The following CCSER1 variants were observed in gnomAD, a reference collection of about 807,000 sequenced individuals.
The protein encoded by CCSER1 is coiled-coil serine rich protein 1, also known as serine-rich coiled-coil domain-containing protein 1.
CCSER1 carries 41 observed loss-of-function variants against 82.0 expected under a neutral mutation model. That is an observed-to-expected ratio of 0.50 (90% CI 0.39 to 0.65). The LOEUF is 0.65. CCSER1 is among the 30% of genes least tolerant of loss of function. The probability of loss-of-function intolerance (pLI) is 0.00; values close to 1 mark genes in which losing one functional copy is unlikely to be tolerated. For missense variants in CCSER1, 1,119 were observed against 1,064.2 expected (o/e 1.05, Z -0.72); for synonymous variants, 414 against 383.9 (o/e 1.08, Z -0.92).
intron 10 of CCSER1, among the ~76,000 whole-genome samples, chr4:91,465,668 G>A (rs970372042): frequency 1.3e-5 from 2 of 152,040 alleles, no homozygotes; most frequent in South Asian, 2.1e-4. Context: ...TGATAAAGGG[G>A]ATATCACCAC....
chr4:91,397,063 C>T (rs1235488870), intron 10 of CCSER1, among the ~76,000 whole-genome samples: 1 of 152,034 alleles, frequency 6.6e-6, no homozygotes, highest in African/African-American at 2.4e-5. Flanking sequence ...TATTGTTTAT[C>T]CTCTATGTTA....
chr4:91,387,792 G>A (rs1380718866), intron 10 of CCSER1, among the ~76,000 whole-genome samples: 1 of 152,072 alleles, frequency 6.6e-6, no homozygotes, highest in Non-Finnish European at 1.5e-5. Flanking sequence ...AGGTGGAAGT[G>A]ATTGCATCTG....
chr4:91,014,520 A>T (rs1298633926), intron 9 of CCSER1, among the ~76,000 whole-genome samples: 1 of 134,496 alleles, frequency 7.4e-6, no homozygotes, highest in Non-Finnish European at 1.7e-5. Context: ...CTCTGGAAAC[A>T]TTGTTTTATT....
intron 5 of CCSER1, among the ~76,000 whole-genome samples, chr4:90,482,955 T>C (rs1463545513): frequency 2.0e-5 from 3 of 152,202 alleles, no homozygotes; most frequent in Admixed American, 6.5e-5. Flanking sequence ...TTGATCTGTC[T>C]GATGTTGACA....
At chr4:90,319,239 C>T (rs1736687603) in intron 3 of CCSER1, among the ~76,000 whole-genome samples, 1 of 152,124 alleles carries the variant, frequency 6.6e-6, no homozygotes, top group Admixed American at 6.5e-5. Context: ...TAAAACAAAT[C>T]AGTCTCAAAA....
At chr4:91,575,187 C>T (rs943283164) in intron 10 of CCSER1, among the ~76,000 whole-genome samples, 9 of 151,788 alleles carry the variant, frequency 5.9e-5, no homozygotes, top group Non-Finnish European at 1.0e-4. Context: ...GAAATGAGAT[C>T]CATATCCATA....
At chr4:91,417,421 G>C (rs374213821) in intron 10 of CCSER1, among the ~76,000 whole-genome samples, 2 of 152,086 alleles carry the variant, frequency 1.3e-5, no homozygotes, top group African/African-American at 4.8e-5. Context: ...ATTCACAATA[G>C]CAAAGATATT....
At position 90,517,709 on chromosome 4, in the gene CCSER1, C is replaced by T. The variant is rs933307096; in HGVS notation, c.1724+49355C>T. Among the ~76,000 whole-genome samples the T allele has an allele frequency of 5.9e-5, 9 of 152,114 alleles. No individual in the cohort carries two copies. The South Asian group carries it at 1.2e-3, about 21-fold the overall frequency. On this transcript the variant is annotated intron_variant, in intron 5 of 10. Transcript: ENST00000509176. ...GGACTAGAAAGAAGAAACGACTAAA[C>T]CTTGTAAAACTTACACATTCAGAGA...
intron 7 of CCSER1, chr4:90,780,620 C>T (rs1250007661): frequency 1.4e-6 from 2 of 1,422,704 alleles, no homozygotes; most frequent in Non-Finnish European, 1.8e-6. Flanking sequence ...GGACAGTAGG[C>T]TTTTCTATAT....
chr4:90,832,004 A>T (rs1208864975), intron 8 of CCSER1, among the ~76,000 whole-genome samples: 4 of 152,070 alleles, frequency 2.6e-5, no homozygotes, highest in African/African-American at 9.7e-5. Context: ...TTACGTTCTT[A>T]AAATAAATGT....
intron 10 of CCSER1, chr4:91,325,036 A>G (rs573386986): frequency 2.7e-6 from 1 of 377,022 alleles, no homozygotes; most frequent in East Asian, 7.4e-5. Context: ...ATGGAAATGC[A>G]AAAGGCCATC....
chr4:90,909,556 G>A (rs1726014316), intron 8 of CCSER1, among the ~76,000 whole-genome samples: 1 of 152,178 alleles, frequency 6.6e-6, no homozygotes, highest in Non-Finnish European at 1.5e-5. Context: ...AAGCAATTTG[G>A]ATGATATTTC....
At chr4:91,349,776 A>G (rs1748346793) in intron 10 of CCSER1, among the ~76,000 whole-genome samples, 1 of 151,766 alleles carries the variant, frequency 6.6e-6, no homozygotes, top group South Asian at 2.1e-4. Context: ...ATTTCATGAA[A>G]GTTTGGGGGC....
chr4:90,809,041 G>C (rs1757897168), intron 7 of CCSER1, among the ~76,000 whole-genome samples: 1 of 152,078 alleles, frequency 6.6e-6, no homozygotes, highest in African/African-American at 2.4e-5. Context: ...TTATAAGTCA[G>C]GCACGGTGGC....
chr4:91,475,741 A>G (rs193082409), intron 10 of CCSER1, among the ~76,000 whole-genome samples: 2 of 151,980 alleles, frequency 1.3e-5, no homozygotes, highest in East Asian at 3.9e-4. Context: ...ACCAGACACT[A>G]TAACTTATTC....
At chr4:91,481,593 G>C (rs1008787604) in intron 10 of CCSER1, among the ~76,000 whole-genome samples, 1 of 152,012 alleles carries the variant, frequency 6.6e-6, no homozygotes, top group Non-Finnish European at 1.5e-5. Flanking sequence ...CCTAACATGA[G>C]GATTGCAAGC....
intron 3 of CCSER1, among the ~76,000 whole-genome samples, chr4:90,384,033 G>A (rs1380137342): frequency 6.6e-6 from 1 of 151,844 alleles, no homozygotes; most frequent in East Asian, 1.9e-4. Context: ...CAAACTCTGG[G>A]ATTAAGTGTG....
intron 1 of CCSER1, among the ~76,000 whole-genome samples, chr4:90,228,394 A>G (rs562086444): frequency 1.5e-4 from 23 of 152,278 alleles, no homozygotes; most frequent in African/African-American, 5.5e-4. Flanking sequence ...GTACTCCAAC[A>G]GACCTGCAGC....
intron 8 of CCSER1, among the ~76,000 whole-genome samples, chr4:90,920,775 C>G: frequency 6.6e-6 from 1 of 151,686 alleles, no homozygotes; most frequent in East Asian, 1.9e-4. Context: ...GATATATTTT[C>G]TTTTTTTCCC....
Sources: gnomAD v4.1 joint callset for allele counts (sites outside exome capture counted in the v4.1 genomes callset) on GRCh38, gnomAD v4.1.1 for gene constraint, MANE v1.5 for transcripts, NCBI Gene and HGNC (gene_info 2026-07-23, HGNC 2026-07-21) for gene names.